SLC25A33: variants seen among roughly 807,000 people sequenced by gnomAD.
The protein encoded by SLC25A33 is solute carrier family 25 member 33.
In SLC25A33, 15 loss-of-function variants were observed where a neutral mutation model predicts 35.5. The ratio of observed to expected loss-of-function variants is 0.42; its 90% CI spans 0.28 to 0.65. The LOEUF (loss-of-function observed/expected upper bound fraction) is 0.65. SLC25A33 is among the 30% of genes least tolerant of loss of function. SLC25A33 has a pLI of 0.20. For synonymous variants in SLC25A33, 136 were observed against 148.7 expected (o/e 0.91, Z 0.62); for missense variants, 257 against 398.5 (o/e 0.64, Z 3.02).
At chr1:9,564,571 A>G (rs1643472099) in intron 2 of SLC25A33, among the ~76,000 whole-genome samples, 1 of 151,794 alleles carries the variant, frequency 6.6e-6, no homozygotes, top group Non-Finnish European at 1.5e-5. Context: ...ACAGCAGTGG[A>G]ATAATATTCA....
At chr1:9,563,629 T>C (rs114143079) in intron 2 of SLC25A33, among the ~76,000 whole-genome samples, 305 of 152,352 alleles carry the variant, frequency 2.0e-3, no homozygotes, top group African/African-American at 7.1e-3. Context: ...ATTAACTTTA[T>C]AGGAACATCT....
rs1306364633 is a variant in SLC25A33, at chr1:9,578,016, G to A, written c.483-1938G>A. Among the ~76,000 whole-genome samples the A allele has an allele frequency of 1.3e-5, 2 of 152,138 alleles. No homozygotes were observed. The highest frequency in any genetic ancestry group is 2.4e-5 in the African/African-American group (1 of 41,426). On this transcript the variant is annotated intron_variant, in intron 5 of 6. Transcript: ENST00000302692. The surrounding 1 kb of genome is among the most constrained non-coding windows in gnomAD (Gnocchi z 4.3). ...CAGCTCACTGCGAGCTCCGCCTCCC[G>A]GGTGCACGCCATTCTCCTGCCTCAG...
At chr1:9,548,624 A>C (rs1055870835) in intron 1 of SLC25A33, among the ~76,000 whole-genome samples, 6 of 152,180 alleles carry the variant, frequency 3.9e-5, no homozygotes, top group African/African-American at 9.6e-5. Flanking sequence ...TAAATGGTGG[A>C]GGTTATAAAT....
intron 5 of SLC25A33, chr1:9,576,686 T>C (rs1341961604): frequency 1.8e-5 from 12 of 653,918 alleles, no homozygotes; most frequent in South Asian, 1.6e-4. Context: ...TGTTACAAGA[T>C]GAGGTCTGCG....
At chr1:9,543,843 C>T (rs1364914138) in intron 1 of SLC25A33, among the ~76,000 whole-genome samples, 6 of 152,258 alleles carry the variant, frequency 3.9e-5, no homozygotes, top group Non-Finnish European at 7.3e-5. Context: ...TGGTGGCTCA[C>T]GCCTGTAATG....
intron 5 of SLC25A33, among the ~76,000 whole-genome samples, chr1:9,574,106 T>C (rs1036111048): frequency 6.6e-6 from 1 of 151,222 alleles, no homozygotes; most frequent in East Asian, 1.9e-4. Flanking sequence ...GTATTTTGTT[T>C]CCTTTTCTTT....
At chr1:9,545,720 G>A (rs1423334984) in intron 1 of SLC25A33, among the ~76,000 whole-genome samples, 2 of 150,950 alleles carry the variant, frequency 1.3e-5, no homozygotes, top group Non-Finnish European at 3.0e-5. Flanking sequence ...ACTTTAAAAG[G>A]AGGCCGAGGC....
chr1:9,557,340 G>A (rs1233743785), intron 2 of SLC25A33, among the ~76,000 whole-genome samples: 3 of 152,170 alleles, frequency 2.0e-5, no homozygotes, highest in Non-Finnish European at 4.4e-5. Flanking sequence ...TTGTAAAGTG[G>A]CACTTTTCAC....
At chr1:9,572,826 G>A (rs1643609888) in intron 4 of SLC25A33, among the ~76,000 whole-genome samples, 1 of 151,608 alleles carries the variant, frequency 6.6e-6, no homozygotes, top group Non-Finnish European at 1.5e-5. Flanking sequence ...CCAGCATTGT[G>A]GGAGGCTGAG....
At chr1:9,556,841 C>T (rs965440470) in intron 2 of SLC25A33, among the ~76,000 whole-genome samples, 58 of 152,142 alleles carry the variant, frequency 3.8e-4, no homozygotes, top group African/African-American at 1.4e-3. Context: ...AAAAGACAAA[C>T]TATTTTCATT....
intron 1 of SLC25A33, among the ~76,000 whole-genome samples, chr1:9,543,667 C>T (rs1159270742): frequency 2.0e-5 from 3 of 152,200 alleles, no homozygotes; most frequent in Non-Finnish European, 4.4e-5. Context: ...CTACTCAGTA[C>T]CTGAAATAGC....
intron 5 of SLC25A33, among the ~76,000 whole-genome samples, chr1:9,574,176 C>T (rs1263758256): frequency 1.3e-5 from 2 of 150,898 alleles, no homozygotes; most frequent in Non-Finnish European, 2.9e-5. Flanking sequence ...CAGCCTCGAC[C>T]TCCCAGGCTC....
At chr1:9,581,452 C>A (rs746184661) in intron 6 of SLC25A33, among the ~76,000 whole-genome samples, 2 of 151,684 alleles carry the variant, frequency 1.3e-5, no homozygotes, top group Non-Finnish European at 2.9e-5. Flanking sequence ...TTTTTTAACC[C>A]CTTAAAAGTT....
At chr1:9,544,990 A>G (rs1262281185) in intron 1 of SLC25A33, among the ~76,000 whole-genome samples, 1 of 152,188 alleles carries the variant, frequency 6.6e-6, no homozygotes, top group African/African-American at 2.4e-5. Context: ...AAATCCCAGT[A>G]TATATTATAG....
Position 9,580,049 on chromosome 1 carries a change from C to T in SLC25A33, c.578C>T (p.Ser193Leu). 1.1e-5 allele frequency: 17 copies of T among 1,612,370 alleles called. No homozygotes were observed. The highest frequency in any genetic ancestry group is 1.4e-5 in the Non-Finnish European group (16 of 1,178,832). ...GGCTTCTATAGAGGATTAACTGCCTCGTATGCTGGAATTTCCGAAACTATA... is the reference window on the plus strand; with the variant it reads ...GGCTTCTATAGAGGATTAACTGCCTTGTATGCTGGAATTTCCGAAACTATA... ...IRGFYRGLTA[S>L]YAGISETIIC... is the part of the protein sequence containing the mutation. Residue 193 changes from serine to leucine, a missense_variant, in exon 6 of 7, where the codon TCG becomes TTG. By Grantham distance (145) the Ser-to-Leu change is moderately radical. Transcript: ENST00000302692.
chr1:9,564,739 A>AAAAAATATATATATATATATATATAT (rs60174872), intron 2 of SLC25A33, among the ~76,000 whole-genome samples: 1 of 96,584 alleles, frequency 1.0e-5, no homozygotes, highest in Non-Finnish European at 2.0e-5. Flanking sequence ...AAAAAAAAAA[A>AAAAAATATATATATATATATATATAT]ATATATATAT....
intron 1 of SLC25A33, among the ~76,000 whole-genome samples, chr1:9,552,383 C>A (rs1034008002): frequency 2.6e-5 from 4 of 152,022 alleles, no homozygotes; most frequent in Admixed American, 1.3e-4. Flanking sequence ...TGCCACTACA[C>A]CTGGCTAATT....
rs1569879507 is a variant in SLC25A33, at chr1:9,578,741, G to T, written c.483-1213G>T. On this transcript the variant is annotated intron_variant, in intron 5 of 6. Coordinates refer to ENST00000302692, the MANE Select transcript of SLC25A33 (RefSeq NM_032315.3). The surrounding 1 kb of genome is among the most constrained non-coding windows in gnomAD (Gnocchi z 4.3). Reference sequence around the variant, plus strand: ...CCGCCTTGGCCTCCCAAAGTGCTGGGATTACAGGTGTGAGCCACTGCTCCC... The same window carrying T: ...CCGCCTTGGCCTCCCAAAGTGCTGGTATTACAGGTGTGAGCCACTGCTCCC... Among the ~76,000 whole-genome samples the T allele has an allele frequency of 6.6e-6, 1 of 152,208 alleles. No individual in the cohort carries two copies. The highest frequency in any genetic ancestry group is 2.1e-4 in the South Asian group (1 of 4,826).
chr1:9,545,416 G>A lies in SLC25A33; in HGVS notation c.56+5669G>A, dbSNP rs541570992. Reference sequence around the variant, plus strand: ...GATCCCAGCACTTAATTTTTATTTTGAGACGGAGTCTCACTCTGTCGCCCA... The same window carrying A: ...GATCCCAGCACTTAATTTTTATTTTAAGACGGAGTCTCACTCTGTCGCCCA... On this transcript the variant is annotated intron_variant, in intron 1 of 6. Transcript: ENST00000302692. Among the ~76,000 whole-genome samples, 290 of 151,678 alleles carry A rather than the reference G, an allele frequency of 1.9e-3. 2 individuals carry two copies. Among genetic ancestry groups the A allele is most frequent in the Non-Finnish European group, 3.2e-3 (218 of 67,870 alleles).
Sources: allele counts gnomAD v4.1 joint callset (sites outside exome capture counted in the v4.1 genomes callset), GRCh38; gene constraint gnomAD v4.1.1; non-coding constraint Gnocchi (gnomAD v3.1); transcripts MANE v1.5; gene names NCBI Gene and HGNC (gene_info 2026-07-23, HGNC 2026-07-21).